IL1RAP: variants seen among roughly 807,000 people sequenced by gnomAD.
The protein encoded by IL1RAP is interleukin 1 receptor accessory protein.
Under a neutral mutation model 60.7 loss-of-function variants are expected in IL1RAP, and 35 were observed. The ratio of observed to expected loss-of-function variants is 0.58; its 90% CI spans 0.44 to 0.76. IL1RAP has a LOEUF of 0.76. Ranked by LOEUF, IL1RAP falls within the 30% of genes least tolerant of loss-of-function variation. The pLI, the probability that IL1RAP is intolerant of heterozygous loss-of-function variation, is 0.00. For missense variants in IL1RAP, 572 were observed against 693.9 expected, an observed-to-expected ratio of 0.82 and a Z score of 1.97; for synonymous variants, 268 against 250.9, an observed-to-expected ratio of 1.07 and a Z score of -0.64.
At position 190,648,837 on chromosome 3, in the gene IL1RAP, G is replaced by A; in HGVS notation, c.*132G>A. The A allele has an allele frequency of 7.0e-7, 1 of 1,438,338 alleles. No individual in the cohort carries two copies. The highest frequency in any genetic ancestry group is 9.1e-7 in the Non-Finnish European group (1 of 1,096,642). The allele number at this position is 1,438,338 out of a possible 1,614,324, so 89.1% of individuals were successfully genotyped here. The stretch of plus-strand genomic sequence containing the variant: ...AGCCTCCCAATAGGGATAAATTTAG[G>A]GTGACTGTGTGGCTGACTATTCTGC... On this transcript the variant is annotated 3_prime_UTR_variant, in exon 12 of 12. Transcript: ENST00000447382.
intron 8 of IL1RAP, 71 bp from the exon 9 acceptor site, chr3:190,629,279 T>C: frequency 8.6e-7 from 1 of 1,157,874 alleles, no homozygotes; most frequent in Admixed American, 2.6e-5. Context: ...TGCTTACTTG[T>C]CTGATTCCTA....
chr3:190,597,618 A>G (rs760794925), intron 3 of IL1RAP, among the ~76,000 whole-genome samples: 6 of 152,166 alleles, frequency 3.9e-5, no homozygotes, highest in Non-Finnish European at 7.3e-5. Flanking sequence ...GGCCAGAGGA[A>G]ATTCACATGG....
At chr3:190,608,849 C>T (rs1730584664) in intron 4 of IL1RAP, 146 bp from the exon 5 acceptor site, 1 of 560,220 alleles carries the variant, frequency 1.8e-6, no homozygotes, top group African/African-American at 1.9e-5. Context: ...GGAAATGCCT[C>T]CACTACCATT....
chr3:190,643,273 C>T (rs752368793), intron 9 of IL1RAP, among the ~76,000 whole-genome samples: 2 of 152,112 alleles, frequency 1.3e-5, no homozygotes, highest in South Asian at 2.1e-4. Flanking sequence ...TAATGATATT[C>T]GAGCATAGAC....
intron 3 of IL1RAP, among the ~76,000 whole-genome samples, chr3:190,593,831 A>G (rs975784228): frequency 1.3e-5 from 2 of 152,166 alleles, no homozygotes; most frequent in Non-Finnish European, 2.9e-5. Context: ...ATCTTCCACT[A>G]TAATATAAAT....
chr3:190,544,036 C>T (rs1478430229), intron 1 of IL1RAP, among the ~76,000 whole-genome samples: 1 of 152,128 alleles, frequency 6.6e-6, no homozygotes, highest in Non-Finnish European at 1.5e-5. Flanking sequence ...ATGGAAAGAA[C>T]ATTTGCATGC....
At position 190,649,728 on chromosome 3, in the gene IL1RAP, C is replaced by A; in HGVS notation, c.*1023C>A. 1.0e-6 allele frequency: 1 copy of A among 985,700 alleles called. No homozygotes were observed. The highest frequency in any genetic ancestry group is 1.2e-6 in the Non-Finnish European group (1 of 829,906). The allele number at this position is 985,700 out of a possible 1,614,324, so 61.1% of individuals were successfully genotyped here. Reference sequence around the variant, plus strand: ...TAGTGGCCTTGAGAGTTGCTTTTGGCATTAATATTCTAAGAGAATTAACTG... The same window carrying A: ...TAGTGGCCTTGAGAGTTGCTTTTGGAATTAATATTCTAAGAGAATTAACTG... On this transcript the variant is annotated 3_prime_UTR_variant, in exon 12 of 12. Coordinates refer to ENST00000447382, the MANE Select transcript of IL1RAP (RefSeq NM_002182.4).
downstream of IL1RAP, among the ~76,000 whole-genome samples, chr3:190,655,292 A>G (rs1355643916): frequency 1.3e-5 from 2 of 152,200 alleles, no homozygotes; most frequent in African/African-American, 4.8e-5. Flanking sequence ...GAAAATGGTA[A>G]ACATGCAGAG....
chr3:190,526,447 G>A (rs1054678856), intron 1 of IL1RAP, among the ~76,000 whole-genome samples: 9 of 152,150 alleles, frequency 5.9e-5, no homozygotes, highest in Admixed American at 5.2e-4. Flanking sequence ...TTCAATAAGC[G>A]TATTGAATCA....
intron 1 of IL1RAP, among the ~76,000 whole-genome samples, chr3:190,523,547 G>A (rs1722260389): frequency 6.6e-6 from 1 of 152,032 alleles, no homozygotes; most frequent in Non-Finnish European, 1.5e-5. Flanking sequence ...ATGGGCCCCA[G>A]TGTGTGTTGT....
downstream of IL1RAP, among the ~76,000 whole-genome samples, chr3:190,655,558 CGTGTGTGTGTGTGTGT>C (rs34341875): frequency 1.4e-4 from 18 of 131,158 alleles, no homozygotes; most frequent in South Asian, 8.6e-4. Flanking sequence ...AATTGCCCAC[CGTGTGTGTGTGTGTGT>C]GTGTGTGTGT....
chr3:190,651,623 T>A (rs1442656625), downstream of IL1RAP: 6 of 156,092 alleles, frequency 3.8e-5, no homozygotes, highest in African/African-American at 1.4e-4. Flanking sequence ...ATATAATAAG[T>A]TACATTAGTT....
At chr3:190,567,365 A>T (rs536815124) in intron 3 of IL1RAP, among the ~76,000 whole-genome samples, 5 of 152,348 alleles carry the variant, frequency 3.3e-5, no homozygotes, top group Admixed American at 3.3e-4. Context: ...TAGTAATAAT[A>T]ATAAAGCTCC....
downstream of IL1RAP, among the ~76,000 whole-genome samples, chr3:190,651,842 G>T (rs1361162435): frequency 6.6e-6 from 1 of 151,102 alleles, no homozygotes; most frequent in African/African-American, 2.5e-5. Context: ...CTGTCAAAAA[G>T]ATGGAAAGAT....
intron 1 of IL1RAP, among the ~76,000 whole-genome samples, chr3:190,554,270 A>T (rs1339934059): frequency 6.6e-6 from 1 of 150,682 alleles, no homozygotes; most frequent in Non-Finnish European, 1.5e-5. Context: ...GGCAAAAAGG[A>T]AAAAAAAAGG....
intron 3 of IL1RAP, among the ~76,000 whole-genome samples, chr3:190,592,524 G>T (rs556147913): frequency 6.6e-6 from 1 of 152,304 alleles, no homozygotes; most frequent in South Asian, 2.1e-4. Flanking sequence ...CAGCAGCTTC[G>T]TTAGACCAGG....
chr3:190,609,835 A>C (rs1275884828), intron 5 of IL1RAP, among the ~76,000 whole-genome samples: 1 of 152,132 alleles, frequency 6.6e-6, no homozygotes, highest in African/African-American at 2.4e-5. Context: ...GCCTAAGCCC[A>C]TATGGGATCA....
At chr3:190,614,542 T>C (rs1219250389) in intron 5 of IL1RAP, among the ~76,000 whole-genome samples, 3 of 152,102 alleles carry the variant, frequency 2.0e-5, no homozygotes, top group Non-Finnish European at 4.4e-5. Context: ...TACTTAATTC[T>C]GTCAACATCC....
chr3:190,551,344 C>T (rs184839283), intron 1 of IL1RAP, among the ~76,000 whole-genome samples: 126 of 152,292 alleles, frequency 8.3e-4, no homozygotes, highest in African/African-American at 2.9e-3. Flanking sequence ...AAAATGGATG[C>T]TTATTGTACT....
Sources: gnomAD v4.1 joint callset for allele counts (sites outside exome capture counted in the v4.1 genomes callset) on GRCh38, gnomAD v4.1.1 for gene constraint, MANE v1.5 for transcripts, NCBI Gene and HGNC (gene_info 2026-07-23, HGNC 2026-07-21) for gene names.